The following TSPAN9 variants were observed in gnomAD, a reference collection of about 807,000 sequenced individuals.
TSPAN9 encodes the protein tetraspanin 9.
A neutral mutation model predicts 31.0 loss-of-function variants in TSPAN9; 16 were observed. The ratio of observed to expected loss-of-function variants is 0.52; its 90% confidence interval spans 0.35 to 0.78. The LOEUF is 0.78. TSPAN9 is among the 30% of genes least tolerant of loss of function. The pLI is 0.01. For missense variants in TSPAN9, 272 were observed against 312.5 expected (o/e 0.87, Z 0.98); for synonymous variants, 145 against 121.6 (o/e 1.19, Z -1.27).
intron 3 of TSPAN9, among the ~76,000 whole-genome samples, chr12:3,274,984 G>A (rs979773599): frequency 5.9e-5 from 9 of 152,240 alleles, no homozygotes; most frequent in Non-Finnish European, 1.2e-4. Flanking sequence ...GGGCCTGGAG[G>A]ACTTTGGACA....
Position 3,147,330 on chromosome 12 carries a change from A to G in TSPAN9, c.-17-53847A>G, listed in dbSNP as rs1378012577. ...GACAGGCGTCCCATGTATCCCAAAA[A>G]TGCAGTGTGGTGTGACAGCTGCCTG... On this transcript the variant is annotated intron_variant, in intron 2 of 8. Coordinates refer to ENST00000011898, the MANE Select transcript of TSPAN9 (RefSeq NM_006675.5). This position sits in a 1 kb window ranked among gnomAD's most constrained non-coding sequence, Gnocchi z 4.3. Among the ~76,000 whole-genome samples the G allele has an allele frequency of 2.0e-5, 3 of 152,188 alleles. No homozygotes were observed. The highest frequency in any genetic ancestry group is 1.3e-4 in the Admixed American group (2 of 15,280).
chr12:3,210,578 C>T (rs1050011267), intron 3 of TSPAN9, among the ~76,000 whole-genome samples: 80 of 152,096 alleles, frequency 5.3e-4, no homozygotes, highest in African/African-American at 1.8e-3. Flanking sequence ...GTATTGCAAA[C>T]AGTATGTAGC....
At chr12:3,083,939 C>T (rs1591619093) in intron 2 of TSPAN9, 1 of 152,344 alleles carries the variant, frequency 6.6e-6, no homozygotes, top group Admixed American at 6.5e-5. Context: ...ATCTCCTCCC[C>T]ACTGTTTCTG....
At chr12:3,254,235 G>T (rs1317180508) in intron 3 of TSPAN9, among the ~76,000 whole-genome samples, 1 of 152,194 alleles carries the variant, frequency 6.6e-6, no homozygotes, top group Non-Finnish European at 1.5e-5. Flanking sequence ...TTTTATTGGG[G>T]TCAGGTGCTT....
At chr12:3,094,099 G>A (rs2098306500) in intron 2 of TSPAN9, among the ~76,000 whole-genome samples, 1 of 151,976 alleles carries the variant, frequency 6.6e-6, no homozygotes, top group South Asian at 2.1e-4. Context: ...TGGCCTTAAG[G>A]GGTTCTTTTG....
intron 2 of TSPAN9, among the ~76,000 whole-genome samples, chr12:3,183,877 G>T (rs780548406): frequency 2.0e-5 from 3 of 152,216 alleles, no homozygotes; most frequent in African/African-American, 7.2e-5. Context: ...GTACAATGAT[G>T]TCTGCTGCAG....
chr12:3,080,588 G>A (rs559685715), intron 1 of TSPAN9, among the ~76,000 whole-genome samples: 3 of 152,118 alleles, frequency 2.0e-5, no homozygotes, highest in South Asian at 2.1e-4. Flanking sequence ...CACCCTCCTC[G>A]GCCCCAAAAA....
intron 2 of TSPAN9, among the ~76,000 whole-genome samples, chr12:3,110,334 C>A (rs1000970): frequency 0.37 from 56,156 of 151,992 alleles, 10,680 homozygotes; most frequent in Middle Eastern, 0.47. Context: ...CAGCTCAATA[C>A]AAAATACCTA....
At chr12:3,094,560 G>T (rs1159420636) in intron 2 of TSPAN9, among the ~76,000 whole-genome samples, 1 of 150,290 alleles carries the variant, frequency 6.7e-6, no homozygotes, top group African/African-American at 2.4e-5. Context: ...TTTTGAGACG[G>T]AGTTTTGCTC....
chr12:3,218,158 G>T (rs12426678), intron 3 of TSPAN9, among the ~76,000 whole-genome samples: 1 of 151,870 alleles, frequency 6.6e-6, no homozygotes, highest in African/African-American at 2.4e-5. Flanking sequence ...CATTTTTTCT[G>T]TGGGCCCTGG....
At chr12:3,207,234 G>A (rs1266192035) in intron 3 of TSPAN9, among the ~76,000 whole-genome samples, 1 of 151,856 alleles carries the variant, frequency 6.6e-6, no homozygotes, top group Non-Finnish European at 1.5e-5. Context: ...TGTCACTCGG[G>A]CTCAAGCTGT....
chr12:3,201,061 G>T, intron 2 of TSPAN9, 116 bp from the exon 3 acceptor site: 1 of 948,026 alleles, frequency 1.1e-6, no homozygotes, highest in East Asian at 2.5e-5. Context: ...ACGGCACCGC[G>T]GGCTCCCGGG....
intron 3 of TSPAN9, chr12:3,211,680 T>G (rs2098378803): frequency 1.9e-6 from 3 of 1,561,192 alleles, no homozygotes; most frequent in Non-Finnish European, 2.6e-6. Flanking sequence ...TGCTTCCTCC[T>G]GAAGGAACAT....
chr12:3,243,127 G>C (rs558817020), intron 3 of TSPAN9, among the ~76,000 whole-genome samples: 1 of 152,222 alleles, frequency 6.6e-6, no homozygotes, highest in Non-Finnish European at 1.5e-5. Flanking sequence ...CAACCCAATA[G>C]AGTCATCCCT....
intron 3 of TSPAN9, among the ~76,000 whole-genome samples, chr12:3,265,292 C>T (rs1862518956): frequency 6.6e-6 from 1 of 152,206 alleles, no homozygotes; most frequent in South Asian, 2.1e-4. Context: ...CAGTGAGTTA[C>T]AGGCACCGCG....
chr12:3,141,681 C>G (rs1295727422), intron 2 of TSPAN9, among the ~76,000 whole-genome samples: 1 of 152,230 alleles, frequency 6.6e-6, no homozygotes, highest in African/African-American at 2.4e-5. Context: ...ACCCCAGAGG[C>G]TGGGCTGCGC....
chr12:3,149,345 T>C (rs1354717846), intron 2 of TSPAN9, among the ~76,000 whole-genome samples: 2 of 152,164 alleles, frequency 1.3e-5, no homozygotes, highest in Admixed American at 1.3e-4. Context: ...AGGAGGGAGA[T>C]GCCCATCCTG....
In TSPAN9 at chr12:3,121,533, C is replaced by CGTTTTT. The variant is rs1426241959; in HGVS notation, c.-18+37814_-18+37815insGTTTTT. Among the ~76,000 whole-genome samples, 24 of 92,926 alleles carry CGTTTTT rather than the reference C, an allele frequency of 2.6e-4. 10 individuals are homozygous for CGTTTTT. The highest frequency in any genetic ancestry group is 2.4e-4 in the Non-Finnish European group (12 of 50,784). 61.0% of individuals were successfully genotyped at this position (92,926 alleles called of 152,430 possible). A position where few individuals can be genotyped will look rare whatever the true frequency, so the allele number is the denominator to read the frequency against. ...TGCCACCATATCTGGCTAATTAAAACTTTTTTTTTTTTTTTTTTTTTTTTT... is the reference window on the plus strand; with the variant it reads ...TGCCACCATATCTGGCTAATTAAAACGTTTTTTTTTTTTTTTTTTTTTTTTTTTTTT... On this transcript the variant is annotated intron_variant, in intron 2 of 8. Coordinates refer to ENST00000011898, the MANE Select transcript of TSPAN9 (RefSeq NM_006675.5).
intron 2 of TSPAN9, among the ~76,000 whole-genome samples, chr12:3,089,298 A>ATT (rs1421443366): frequency 3.0e-5 from 2 of 67,412 alleles, no homozygotes; most frequent in African/African-American, 1.2e-4. Context: ...ATTCAAGGTG[A>ATT]ATTTTTTTTT....
Sources: gnomAD v4.1 joint callset for allele counts (sites outside exome capture counted in the v4.1 genomes callset) on GRCh38, gnomAD v4.1.1 for gene constraint, Gnocchi (gnomAD v3.1) non-coding constraint, MANE v1.5 for transcripts, NCBI Gene and HGNC (gene_info 2026-07-23, HGNC 2026-07-21) for gene names.